The following LRRK2 variants were observed in gnomAD, a reference collection of about 807,000 sequenced individuals.
LRRK2 encodes leucine rich repeat kinase 2.
A neutral mutation model predicts 302.6 loss-of-function variants in LRRK2; 203 were observed. The observed-to-expected ratio is 0.67, with a 90% CI of 0.60 to 0.75. The LOEUF is 0.75. Ranked by LOEUF, LRRK2 falls within the 30% of genes least tolerant of loss-of-function variation. The probability of loss-of-function intolerance (pLI) is 0.00; values close to 1 mark genes in which losing one functional copy is unlikely to be tolerated. For synonymous variants in LRRK2, 1,066 were observed against 1,031.9 expected (o/e 1.03, Z -0.63); for missense variants, 2,830 against 2,951.0 (o/e 0.96, Z 0.95).
At chr12:40,252,768 A>G (rs949647703) in intron 10 of LRRK2, 142 bp from the exon 11 acceptor site, 1 of 645,844 alleles carries the variant, frequency 1.5e-6, no homozygotes, top group African/African-American at 1.8e-5. Context: ...ATGAACTATA[A>G]TTCACTCTTG....
chr12:40,298,633 G>A (rs557953949), intron 24 of LRRK2, 140 bp downstream of exon 24: 18 of 1,055,630 alleles, frequency 1.7e-5, no homozygotes, highest in African/African-American at 1.1e-4. Context: ...TTAGCCCAGC[G>A]TGGTGGTGCG....
intron 7 of LRRK2, 120 bp downstream of exon 7, chr12:40,243,801 G>A: frequency 2.0e-6 from 2 of 993,406 alleles, no homozygotes; most frequent in South Asian, 1.5e-5. Context: ...TGAAAATATT[G>A]TAAAATCCCA....
intron 5 of LRRK2, among the ~76,000 whole-genome samples, chr12:40,238,883 C>T (rs1941594216): frequency 6.6e-6 from 1 of 152,108 alleles, no homozygotes; most frequent in Non-Finnish European, 1.5e-5. Flanking sequence ...GGATTTTAAA[C>T]AGCTTATAGA....
At chr12:40,249,181 G>T (rs1237178588) in intron 7 of LRRK2, among the ~76,000 whole-genome samples, 1 of 152,098 alleles carries the variant, frequency 6.6e-6, no homozygotes, top group African/African-American at 2.4e-5. Context: ...ATAGAAGAAG[G>T]TACATATTTC....
At chr12:40,298,094 T>C in intron 23 of LRRK2, 149 bp from the exon 24 acceptor site, 1 of 729,282 alleles carries the variant, frequency 1.4e-6, no homozygotes, top group Non-Finnish European at 2.2e-6. Context: ...GGCCAATTAG[T>C]ATACTGAAAT....
Position 40,359,449 on chromosome 12 carries a change from G to A in LRRK2, c.7028+5G>A, listed in dbSNP as rs763109787. 1 of 1,611,240 alleles carries A rather than the reference G, an allele frequency of 6.2e-7. No homozygotes were observed. ...TGAGACAAGAACAAGCCAACTGTAA[G>A]TTATTTTTTATCTGTACAAGTAATT... On this transcript the variant is annotated splice_donor_5th_base_variant and intron_variant, in intron 47 of 50. Coordinates refer to ENST00000298910, the MANE Select transcript of LRRK2 (RefSeq NM_198578.4).
At chr12:40,261,399 C>T (rs907789118) in intron 13 of LRRK2, among the ~76,000 whole-genome samples, 1 of 151,974 alleles carries the variant, frequency 6.6e-6, no homozygotes, top group Admixed American at 6.6e-5. Context: ...TAAACTGATC[C>T]TGAAGGAAAA....
In LRRK2 at chr12:40,232,402, TA is replaced by T. The variant is rs774448473; in HGVS notation, c.347+23del. Reference sequence around the variant, plus strand: ...TTCACCAGTAAGTATGATAGATATGTAAAACAAATGGCCTTGAGTATTTATT... The same window carrying T: ...TTCACCAGTAAGTATGATAGATATGTAAACAAATGGCCTTGAGTATTTATT... On this transcript the variant is annotated intron_variant, in intron 3 of 50. Coordinates refer to ENST00000298910, the MANE Select transcript of LRRK2 (RefSeq NM_198578.4). 3 of 1,563,208 alleles carry T rather than the reference TA, an allele frequency of 1.9e-6. No homozygotes were observed. The highest frequency in any genetic ancestry group is 2.2e-5 in the South Asian group (2 of 89,988).
At chr12:40,319,456 C>T (rs561372621) in intron 33 of LRRK2, among the ~76,000 whole-genome samples, 3 of 152,170 alleles carry the variant, frequency 2.0e-5, no homozygotes, top group Non-Finnish European at 2.9e-5. Flanking sequence ...TCTCAGGCCT[C>T]AACCCAGACC....
chr12:40,319,648 A>T (rs945906739), intron 33 of LRRK2, among the ~76,000 whole-genome samples: 1 of 152,080 alleles, frequency 6.6e-6, no homozygotes, highest in South Asian at 2.1e-4. Flanking sequence ...TTTTCCTGGG[A>T]ATATATTATT....
intron 38 of LRRK2, among the ~76,000 whole-genome samples, chr12:40,326,780 A>C (rs922263071): frequency 6.6e-6 from 1 of 152,282 alleles, no homozygotes; most frequent in South Asian, 2.1e-4. Context: ...AACAATCCTA[A>C]CTAATGGTTT....
At chr12:40,234,136 G>A (rs1328512759) in intron 3 of LRRK2, among the ~76,000 whole-genome samples, 1 of 152,144 alleles carries the variant, frequency 6.6e-6, no homozygotes, top group Non-Finnish European at 1.5e-5. Flanking sequence ...AGGAAGGCTG[G>A]CAGAGAATCG....
intron 14 of LRRK2, among the ~76,000 whole-genome samples, chr12:40,269,850 A>T (rs1456385640): frequency 6.6e-6 from 1 of 152,060 alleles, no homozygotes; most frequent in Non-Finnish European, 1.5e-5. Flanking sequence ...CCACCGCTTT[A>T]TGTCCTCTCC....
rs17491082 is a variant in LRRK2 at position 40,303,070 on chromosome 12, T to C, written c.3590+188T>C. 0.032 allele frequency among the ~76,000 whole-genome samples: 4,829 copies of C among 152,202 alleles called. 256 individuals carry two copies. The highest frequency in any genetic ancestry group is 0.11 in the African/African-American group (4,600 of 41,540). On this transcript the variant is annotated intron_variant, in intron 26 of 50. Coordinates refer to ENST00000298910, the MANE Select transcript of LRRK2 (RefSeq NM_198578.4). ...ATTACTTAAAATGGAAACTTTTATA[T>C]TTATTTAGTGGATCATTGTGTAAAA...
At chr12:40,314,640 G>C (rs1248664522) in intron 32 of LRRK2, among the ~76,000 whole-genome samples, 2 of 152,124 alleles carry the variant, frequency 1.3e-5, no homozygotes, top group East Asian at 3.9e-4. Flanking sequence ...TAGCTCTCTT[G>C]CATCAAATAT....
At chr12:40,363,027 ACAAAGTTTTGCAAGAACATT>A (rs1946760676) in intron 47 of LRRK2, among the ~76,000 whole-genome samples, 1 of 152,074 alleles carries the variant, frequency 6.6e-6, no homozygotes, top group Admixed American at 6.6e-5. Flanking sequence ...CATTCATGAA[ACAAAGTTTTGCAAGAACATT>A]CAAAAGTTAC....
At position 40,363,543 on chromosome 12, in the gene LRRK2, G is replaced by T. The variant is rs1946781535; in HGVS notation, c.7170G>T (p.Val2390=). Residue 2390 remains valine, a synonymous_variant, in exon 48 of 51, where the codon GTG becomes GTT. Coordinates refer to ENST00000298910, the MANE Select transcript of LRRK2 (RefSeq NM_198578.4). ...AACTCTGTGGACTAATAGACTGCGT[G>T]CACTTTTTAAGGTAAATTCTGTGGT... The part of the protein sequence containing the change: ...TEKLCGLIDC[V]HFLREVMVKE... 1 of 1,611,462 alleles carries T rather than the reference G, an allele frequency of 6.2e-7. No homozygotes were observed. The highest frequency in any genetic ancestry group is 1.3e-5 in the African/African-American group (1 of 74,858).
intron 47 of LRRK2, 152 bp downstream of exon 47, chr12:40,359,596 A>T: frequency 1.3e-6 from 1 of 782,432 alleles, no homozygotes; most frequent in Non-Finnish European, 1.9e-6. Context: ...ATTATAAAAA[A>T]TTTTGAAAAT....
chr12:40,361,272 C>T (rs1323470973), intron 47 of LRRK2, among the ~76,000 whole-genome samples: 1 of 151,984 alleles, frequency 6.6e-6, no homozygotes, highest in African/African-American at 2.4e-5. Flanking sequence ...ATGTGGTTAA[C>T]ATTTGGATCA....
Sources: allele counts gnomAD v4.1 joint callset (sites outside exome capture counted in the v4.1 genomes callset), GRCh38; gene constraint gnomAD v4.1.1; transcripts MANE v1.5; gene names NCBI Gene and HGNC (gene_info 2026-07-23, HGNC 2026-07-21).